ATP8B4: variants seen among roughly 807,000 people sequenced by gnomAD.
ATP8B4 encodes probable phospholipid-transporting ATPase IM.
ATP8B4 carries 133 observed loss-of-function variants against 145.6 expected under a neutral mutation model. That is an observed-to-expected ratio of 0.91 (90% confidence interval 0.79 to 1.05). The LOEUF (loss-of-function observed/expected upper bound fraction) is 1.05. Among genes scored for constraint, ATP8B4 ranks in the 50% least tolerant of loss-of-function variants. The pLI, the probability that ATP8B4 is intolerant of heterozygous loss-of-function variation, is 0.00. For synonymous variants in ATP8B4, 507 were observed against 492.9 expected, an observed-to-expected ratio of 1.03 and a Z score of -0.38; for missense variants, 1,458 against 1,425.2, an observed-to-expected ratio of 1.02 and a Z score of -0.37.
At chr15:50,153,807 C>G (rs1451414806) in intron 1 of ATP8B4, among the ~76,000 whole-genome samples, 1 of 152,122 alleles carries the variant, frequency 6.6e-6, no homozygotes, top group African/African-American at 2.4e-5. Context: ...GACAGCATTT[C>G]CAAACTAAAA....
intron 1 of ATP8B4, among the ~76,000 whole-genome samples, chr15:50,174,479 T>C (rs992715009): frequency 1.3e-5 from 2 of 150,570 alleles, no homozygotes; most frequent in Non-Finnish European, 2.9e-5. Flanking sequence ...CACAAATCAG[T>C]AGCTCTTCTA....
At chr15:50,027,929 T>G (rs2050136514) in intron 6 of ATP8B4, among the ~76,000 whole-genome samples, 1 of 152,212 alleles carries the variant, frequency 6.6e-6, no homozygotes, top group African/African-American at 2.4e-5. Context: ...AGTCACAGTT[T>G]CCAAGAACCT....
chr15:49,946,602 C>CTT (rs147632337), intron 14 of ATP8B4, among the ~76,000 whole-genome samples: 1 of 146,596 alleles, frequency 6.8e-6, no homozygotes, highest in African/African-American at 2.5e-5. Flanking sequence ...CTAATTAATC[C>CTT]TTTTTTTTTT....
intron 6 of ATP8B4, among the ~76,000 whole-genome samples, chr15:50,034,842 C>T (rs531370548): frequency 1.1e-4 from 17 of 152,268 alleles, no homozygotes; most frequent in African/African-American, 3.4e-4. Context: ...GTTGCTCCCA[C>T]GGTGGCCAGG....
At chr15:50,117,877 T>A (rs1276578747) in intron 1 of ATP8B4, among the ~76,000 whole-genome samples, 1 of 152,240 alleles carries the variant, frequency 6.6e-6, no homozygotes, top group Non-Finnish European at 1.5e-5. Context: ...GAGGATATTA[T>A]GTTAAGCAAA....
intron 7 of ATP8B4, among the ~76,000 whole-genome samples, chr15:50,003,427 C>A (rs1175792660): frequency 6.6e-6 from 1 of 151,906 alleles, no homozygotes; most frequent in African/African-American, 2.4e-5. Context: ...ATCAAAGAGC[C>A]ACAGAAGCTT....
chr15:50,128,609 C>G (rs976844130), intron 1 of ATP8B4, among the ~76,000 whole-genome samples: 1 of 152,144 alleles, frequency 6.6e-6, no homozygotes, highest in Non-Finnish European at 1.5e-5. Context: ...GAGAGGGACA[C>G]CCAAAGGCCC....
chr15:50,084,038 C>T (rs567552464), intron 2 of ATP8B4, among the ~76,000 whole-genome samples: 1 of 152,244 alleles, frequency 6.6e-6, no homozygotes, highest in African/African-American at 2.4e-5. Context: ...AAAAGCATCC[C>T]TGCCTGTCCC....
intron 1 of ATP8B4, among the ~76,000 whole-genome samples, chr15:50,178,869 T>C (rs912052815): frequency 1.3e-4 from 20 of 152,184 alleles, no homozygotes; most frequent in Admixed American, 1.2e-3. Flanking sequence ...AAATATACTG[T>C]GATGGGGGAG....
chr15:50,036,557 C>T (rs931622213), intron 6 of ATP8B4, among the ~76,000 whole-genome samples: 9 of 152,212 alleles, frequency 5.9e-5, no homozygotes, highest in African/African-American at 2.2e-4. Flanking sequence ...AAAAGCCAGT[C>T]TCCATAGCCT....
intron 3 of ATP8B4, among the ~76,000 whole-genome samples, chr15:50,052,309 G>A (rs1427874481): frequency 6.6e-6 from 1 of 152,176 alleles, no homozygotes; most frequent in African/African-American, 2.4e-5. Context: ...AAAAGGAGTA[G>A]ACTCCACGGA....
intron 27 of ATP8B4, 101 bp from the exon 28 acceptor site, chr15:49,860,576 A>C: frequency 7.5e-7 from 1 of 1,341,544 alleles, no homozygotes; most frequent in Non-Finnish European, 1.0e-6. Flanking sequence ...TTATAAGTAA[A>C]AACAACATTG....
At chr15:50,018,623 G>C (rs1192837787) in intron 6 of ATP8B4, among the ~76,000 whole-genome samples, 1 of 152,180 alleles carries the variant, frequency 6.6e-6, no homozygotes, top group Non-Finnish European at 1.5e-5. Context: ...GTCATCAAAA[G>C]TCCAGTGAGA....
intron 1 of ATP8B4, among the ~76,000 whole-genome samples, chr15:50,172,905 G>T (rs1322891278): frequency 6.6e-6 from 1 of 150,802 alleles, no homozygotes; most frequent in South Asian, 2.1e-4. Context: ...CCCTCCGTCC[G>T]GCAGCCGCCC....
chr15:49,872,644 AC>A (rs2033834629), intron 25 of ATP8B4, among the ~76,000 whole-genome samples: 2 of 152,100 alleles, frequency 1.3e-5, no homozygotes, highest in Non-Finnish European at 2.9e-5. Context: ...ACATCAGAAA[AC>A]CCAAACTGAA....
intron 3 of ATP8B4, among the ~76,000 whole-genome samples, chr15:50,049,152 T>C (rs2051972523): frequency 2.0e-5 from 3 of 152,244 alleles, no homozygotes; most frequent in African/African-American, 7.2e-5. Context: ...CTTTACAATA[T>C]ATTTCTTTTC....
At chr15:49,930,111 G>T (rs1267517548) in intron 16 of ATP8B4, among the ~76,000 whole-genome samples, 1 of 152,042 alleles carries the variant, frequency 6.6e-6, no homozygotes, top group Non-Finnish European at 1.5e-5. Flanking sequence ...TTGAGAAATT[G>T]AAGGCAAAAG....
Position 49,918,905 on chromosome 15 carries a change from T to G in ATP8B4, c.1969A>C (p.Ile657Leu), listed in dbSNP as rs1333789294. Residue 657 changes from isoleucine to leucine, a missense_variant, in exon 19 of 28, where the codon ATT (isoleucine) becomes CTT (leucine). Ile to Leu is a conservative substitution (Grantham distance 5). Transcript: ENST00000284509. ...AVEDKLQEGV[I>L]ETVTSLSLAN... ...AGTGATAAACTTGTAACTGTTTCAA[T>G]AACACCCTCCTGTAACTTATCTTCT... 6.2e-7 allele frequency: 1 copy of G among 1,613,844 alleles called. No homozygotes were observed. Among genetic ancestry groups the G allele is most frequent in the Non-Finnish European group, 8.5e-7 (1 of 1,179,822 alleles).
chr15:49,910,740 C>T (rs917047139), intron 20 of ATP8B4, among the ~76,000 whole-genome samples: 1 of 152,030 alleles, frequency 6.6e-6, no homozygotes, highest in Non-Finnish European at 1.5e-5. Context: ...AAATACTATA[C>T]CCAGCAAAGT....
Sources: gnomAD v4.1 joint callset for allele counts (sites outside exome capture counted in the v4.1 genomes callset) on GRCh38, gnomAD v4.1.1 for gene constraint, MANE v1.5 for transcripts, NCBI Gene and HGNC (gene_info 2026-07-23, HGNC 2026-07-21) for gene names.